Variants in OR14L1 observed in about 807,000 individuals in gnomAD.
OR14L1 encodes olfactory receptor family 14 subfamily L member 1.
At chr1:247,617,387 G>A in the OR14L1 span, 1 of 152,132 alleles carries the variant, frequency 6.6e-6, no homozygotes, top group East Asian at 1.9e-4. Flanking sequence ...ACAAAAATCA[G>A]CTCATAGCAT....
chr1:247,617,221 A>G, the OR14L1 span: 1 of 152,230 alleles, frequency 6.6e-6, no homozygotes, highest in Non-Finnish European at 1.5e-5. Context: ...GAGAAGATAA[A>G]GACATTTGCA....
the OR14L1 span, chr1:247,619,473 G>T: frequency 6.6e-6 from 1 of 152,074 alleles, no homozygotes; most frequent in Non-Finnish European, 1.5e-5. Context: ...TTTGTATAAA[G>T]CACTATTCTG....
chr1:247,621,137 G>C, the OR14L1 span: 8 of 152,216 alleles, frequency 5.3e-5, no homozygotes, highest in East Asian at 7.7e-4. Context: ...TTATGGTGCT[G>C]TGTATAGGAA....
At chr1:247,618,417 A>G in the OR14L1 span, among the ~76,000 whole-genome samples, 2 of 152,190 alleles carry the variant, frequency 1.3e-5, no homozygotes, top group Non-Finnish European at 1.5e-5. Context: ...TTTACCCTAC[A>G]TAAATTCCAG....
the OR14L1 span, chr1:247,621,477 C>T: frequency 2.0e-5 from 3 of 152,024 alleles, no homozygotes; most frequent in Non-Finnish European, 4.4e-5. Context: ...TACATGTTTG[C>T]AATGTGGAAT....
the OR14L1 span, among the ~76,000 whole-genome samples, chr1:247,618,250 C>T: frequency 6.6e-6 from 1 of 151,932 alleles, no homozygotes; most frequent in South Asian, 2.1e-4. Flanking sequence ...TCAGTGATTG[C>T]CTAGAGTGAA....
chr1:247,620,239 G>A, the OR14L1 span: 8 of 152,250 alleles, frequency 5.3e-5, no homozygotes, highest in African/African-American at 1.7e-4. Context: ...TGGAGTCATG[G>A]TTTTTGGTAC....
At chr1:247,617,949 A>G in the OR14L1 span, among the ~76,000 whole-genome samples, 1 of 152,180 alleles carries the variant, frequency 6.6e-6, no homozygotes, top group Non-Finnish European at 1.5e-5. Context: ...TAGTGTCACC[A>G]CATCATTCCT....
the OR14L1 span, chr1:247,620,029 C>A: frequency 7.9e-5 from 12 of 152,290 alleles, no homozygotes; most frequent in Non-Finnish European, 2.9e-5. Context: ...CCGGCCTTTA[C>A]ATTATGAGGT....
At chr1:247,617,511 G>A in the OR14L1 span, 1 of 152,162 alleles carries the variant, frequency 6.6e-6, no homozygotes, top group South Asian at 2.1e-4. Flanking sequence ...CTGATTTATA[G>A]ATTAAGCACA....
At chr1:247,620,332 G>C in the OR14L1 span, 3 of 152,088 alleles carry the variant, frequency 2.0e-5, no homozygotes, top group Non-Finnish European at 4.4e-5. Context: ...TCCTTCTAAG[G>C]AGGGTAGATC....
At chr1:247,620,837 T>C in the OR14L1 span, 2 of 151,366 alleles carry the variant, frequency 1.3e-5, no homozygotes, top group Non-Finnish European at 3.0e-5. Context: ...TCTCAAAATT[T>C]TATAAATTAT....
At chr1:247,620,205 C>T in the OR14L1 span, 2 of 152,136 alleles carry the variant, frequency 1.3e-5, no homozygotes, top group Non-Finnish European at 2.9e-5. Context: ...GCCTCTTAGA[C>T]CCCAAAGTAA....
chr1:247,619,758 AGG>A, the OR14L1 span: 10 of 152,220 alleles, frequency 6.6e-5, no homozygotes, highest in Non-Finnish European at 1.5e-4. Context: ...CAGCTGTCAT[AGG>A]AAATCTCCTA....
At chr1:247,617,712 G>A in the OR14L1 span, among the ~76,000 whole-genome samples, 4 of 132,786 alleles carry the variant, frequency 3.0e-5, no homozygotes, top group Non-Finnish European at 4.7e-5. Flanking sequence ...GTGTGTGTGC[G>A]TGTGTGTGTG....
chr1:247,618,360 A>G, the OR14L1 span, among the ~76,000 whole-genome samples: 2 of 152,156 alleles, frequency 1.3e-5, no homozygotes, highest in South Asian at 2.1e-4. Context: ...TCATAGGCAT[A>G]TACAACTGCG....
the OR14L1 span, chr1:247,617,392 T>C: frequency 1.3e-5 from 2 of 152,164 alleles, no homozygotes; most frequent in Non-Finnish European, 2.9e-5. Context: ...AATCAGCTCA[T>C]AGCATGCAGT....
At chr1:247,622,167 C>T in the OR14L1 span, 5 of 152,158 alleles carry the variant, frequency 3.3e-5, no homozygotes, top group Non-Finnish European at 7.3e-5. Context: ...CTATTGGCAC[C>T]ATTTTTCTGA....
chr1:247,620,525 A>T, the OR14L1 span: 1 of 152,310 alleles, frequency 6.6e-6, no homozygotes, highest in Non-Finnish European at 1.5e-5. Context: ...AGGAATAGGG[A>T]CATGAAGGCA....
Sources: gnomAD v4.1 joint callset for allele counts (sites outside exome capture counted in the v4.1 genomes callset) on GRCh38, gnomAD v4.1.1 for gene constraint, MANE v1.5 for transcripts, NCBI Gene and HGNC (gene_info 2026-07-23, HGNC 2026-07-21) for gene names.